The following CDH13 variants were observed in gnomAD, a reference collection of about 807,000 sequenced individuals.
CDH13 encodes cadherin 13, also known as cadherin-13.
In CDH13, 24 loss-of-function variants were observed where a neutral mutation model predicts 63.8. That is an observed-to-expected ratio of 0.38 (90% CI 0.27 to 0.53). The LOEUF (loss-of-function observed/expected upper bound fraction) is 0.53, where lower values mean the gene tolerates loss of function less well. Among genes scored for constraint, CDH13 ranks in the 20% least tolerant of loss-of-function variants. CDH13 has a pLI of 0.85. For synonymous variants in CDH13, 503 were observed against 355.3 expected, an observed-to-expected ratio of 1.42 and a Z score of -4.67; for missense variants, 1,049 against 903.1, an observed-to-expected ratio of 1.16 and a Z score of -2.07.
intron 2 of CDH13, among the ~76,000 whole-genome samples, chr16:82,930,272 C>T (rs927422072): frequency 3.3e-5 from 5 of 152,022 alleles, no homozygotes; most frequent in East Asian, 3.9e-4. Flanking sequence ...CCGCTACGTC[C>T]GGCCTGTTCT....
At chr16:83,468,492 G>C (rs2073373608) in intron 6 of CDH13, among the ~76,000 whole-genome samples, 1 of 152,206 alleles carries the variant, frequency 6.6e-6, no homozygotes, top group Admixed American at 6.5e-5. Context: ...AAGCCACCCA[G>C]TTCGTGGTAT....
chr16:82,694,717 C>T (rs1232079138), intron 1 of CDH13, among the ~76,000 whole-genome samples: 1 of 152,136 alleles, frequency 6.6e-6, no homozygotes, highest in African/African-American at 2.4e-5. Context: ...GAATGAACCA[C>T]CAGTATGATT....
At chr16:83,440,488 G>C (rs1255816995) in intron 6 of CDH13, among the ~76,000 whole-genome samples, 1 of 152,054 alleles carries the variant, frequency 6.6e-6, no homozygotes, top group African/African-American at 2.4e-5. Flanking sequence ...CACAGAAGAT[G>C]GACAGCAAGG....
At chr16:83,260,949 C>A (rs1359535692) in intron 5 of CDH13, among the ~76,000 whole-genome samples, 1 of 151,976 alleles carries the variant, frequency 6.6e-6, no homozygotes. Flanking sequence ...CGGGGGAGCT[C>A]TGGGCTTTGG....
chr16:83,746,374 C>T (rs576680219), intron 10 of CDH13, among the ~76,000 whole-genome samples: 1 of 152,256 alleles, frequency 6.6e-6, no homozygotes, highest in South Asian at 2.1e-4. Context: ...CTCTGCCTCC[C>T]CCTGAGGACA....
chr16:82,738,730 G>A (rs1199264848), intron 1 of CDH13, among the ~76,000 whole-genome samples: 2 of 152,114 alleles, frequency 1.3e-5, no homozygotes, highest in African/African-American at 4.8e-5. Flanking sequence ...GTGCATTTGG[G>A]GGAAAATGTC....
Position 83,795,303 on chromosome 16 carries a change from C to G in CDH13, c.*273C>G. 1 of 458,248 alleles carries G rather than the reference C, an allele frequency of 2.2e-6. No homozygotes were observed. Among genetic ancestry groups the G allele is most frequent in the South Asian group, 2.8e-5 (1 of 35,558 alleles). 28.4% of individuals were successfully genotyped at this position (458,248 alleles called of 1,614,324 possible). A position where few individuals can be genotyped will look rare whatever the true frequency, so the allele number is the denominator to read the frequency against. On this transcript the variant is annotated 3_prime_UTR_variant, in exon 14 of 14. Coordinates refer to ENST00000567109, the MANE Select transcript of CDH13 (RefSeq NM_001257.5). ...TGACTTGATCTTCTGGGAGCAGGAA[C>G]AATGACTACTTTTTCTGGTGTGTTA...
At chr16:82,897,759 G>A (rs557418927) in intron 2 of CDH13, among the ~76,000 whole-genome samples, 2 of 152,394 alleles carry the variant, frequency 1.3e-5, no homozygotes, top group Middle Eastern at 3.4e-3. Flanking sequence ...GAAACTGCAA[G>A]GGGTGGGGAA....
chr16:83,221,604 G>A (rs1338898673), intron 5 of CDH13, among the ~76,000 whole-genome samples: 1 of 151,746 alleles, frequency 6.6e-6, no homozygotes, highest in Non-Finnish European at 1.5e-5. Flanking sequence ...TGCCAATATG[G>A]GATGACGGGA....
intron 3 of CDH13, among the ~76,000 whole-genome samples, chr16:83,032,630 A>T (rs1402849390): frequency 2.0e-5 from 3 of 152,074 alleles, no homozygotes; most frequent in African/African-American, 4.8e-5. Context: ...CTGAGAAAGC[A>T]TCTCTTCAAG....
intron 5 of CDH13, among the ~76,000 whole-genome samples, chr16:83,254,928 T>G (rs1432209426): frequency 8.0e-6 from 1 of 125,088 alleles, no homozygotes; most frequent in Non-Finnish European, 1.8e-5. Flanking sequence ...AGACAAGCTC[T>G]TTCTTGGATT....
At chr16:82,740,945 G>A (rs985186364) in intron 1 of CDH13, among the ~76,000 whole-genome samples, 4 of 152,120 alleles carry the variant, frequency 2.6e-5, no homozygotes, top group Admixed American at 2.6e-4. Context: ...AACTTTAAAA[G>A]GGGTTACCTC....
At chr16:83,730,249 C>G (rs994766458) in intron 10 of CDH13, among the ~76,000 whole-genome samples, 10 of 152,202 alleles carry the variant, frequency 6.6e-5, no homozygotes, top group African/African-American at 2.4e-4. Flanking sequence ...CTAAGGCCCT[C>G]TCTCAGATCT....
rs148055107 is a variant in CDH13 at position 82,966,570 on chromosome 16, C to T, written c.158-65440C>T. ...GATCCAGATTGCTCTGATTCTAGAG[C>T]CTTTGTTCTGGAAATCTGTCTTTTA... On this transcript the variant is annotated intron_variant, in intron 2 of 13. Transcript: ENST00000567109. Among the ~76,000 whole-genome samples, 1,223 of 152,242 alleles carry T rather than the reference C, an allele frequency of 8.0e-3. 18 individuals carry two copies. Among genetic ancestry groups the T allele is most frequent in the African/African-American group, 0.023 (952 of 41,530 alleles).
chr16:83,430,738 C>G (rs2072074038), intron 6 of CDH13, among the ~76,000 whole-genome samples: 1 of 152,280 alleles, frequency 6.6e-6, no homozygotes, highest in South Asian at 2.1e-4. Flanking sequence ...GTAGTCCTGT[C>G]TCTACTTAAT....
At chr16:83,027,108 C>A (rs1160928866) in intron 2 of CDH13, among the ~76,000 whole-genome samples, 1 of 143,890 alleles carries the variant, frequency 6.9e-6, no homozygotes, top group South Asian at 2.4e-4. Flanking sequence ...GGAGACCCCC[C>A]CCCCCCACCG....
At chr16:83,346,701 A>T (rs144300864) in intron 6 of CDH13, among the ~76,000 whole-genome samples, 1 of 152,182 alleles carries the variant, frequency 6.6e-6, no homozygotes, top group African/African-American at 2.4e-5. Context: ...TTTTTGATAC[A>T]TGTATATACA....
At chr16:83,088,109 C>T (rs73598182) in intron 3 of CDH13, among the ~76,000 whole-genome samples, 5,168 of 152,272 alleles carry the variant, frequency 0.034, 291 homozygotes, top group African/African-American at 0.12. Flanking sequence ...TTAGAAAGTA[C>T]CTGCTGTTCT....
intron 3 of CDH13, among the ~76,000 whole-genome samples, chr16:83,071,162 A>G (rs370653956): frequency 1.8e-4 from 28 of 152,266 alleles, no homozygotes; most frequent in African/African-American, 6.3e-4. Flanking sequence ...GTCATTCTGA[A>G]CATTCTCAGA....
Sources: gnomAD v4.1 joint callset for allele counts (sites outside exome capture counted in the v4.1 genomes callset) on GRCh38, gnomAD v4.1.1 for gene constraint, MANE v1.5 for transcripts, NCBI Gene and HGNC (gene_info 2026-07-23, HGNC 2026-07-21) for gene names.